The following MAPK8IP3 variants were observed in gnomAD, a reference collection of about 807,000 sequenced individuals.
MAPK8IP3 encodes the protein mitogen-activated protein kinase 8 interacting protein 3.
MAPK8IP3 carries 49 observed loss-of-function variants against 157.8 expected under a neutral mutation model. The observed-to-expected ratio is 0.31, with a 90% confidence interval of 0.25 to 0.39. The LOEUF is 0.39. Ranked by LOEUF, MAPK8IP3 falls within the 10% of genes least tolerant of loss-of-function variation. The pLI, the probability that MAPK8IP3 is intolerant of heterozygous loss-of-function variation, is 1.00. For missense variants in MAPK8IP3, 1,478 were observed against 1,889.4 expected, an observed-to-expected ratio of 0.78 and a Z score of 4.04; for synonymous variants, 897 against 777.7, an observed-to-expected ratio of 1.15 and a Z score of -2.55.
rs1482204550 is a variant in MAPK8IP3 at position 1,767,180 on chromosome 16, A to C, written c.3120A>C (p.Leu1040=). Residue 1040 remains leucine, a synonymous_variant, in exon 26 of 32, where the codon CTA becomes CTC. Transcript: ENST00000610761. ...DGQWDLSNYH[L]MDLGHPHHSI... is the part of the protein sequence containing the mutation. ...AGTGGGATCTGAGCAACTATCACCT[A>C]ATGGACCTGGGCCACCCGCACCACT... The C allele has an allele frequency of 6.2e-7, 1 of 1,613,216 alleles. No homozygotes were observed. Among genetic ancestry groups the C allele is most frequent in the East Asian group, 2.2e-5 (1 of 44,884 alleles).
chr16:1,767,632 A>G lies in MAPK8IP3; in HGVS notation c.3306A>G (p.Val1102=), dbSNP rs779172209. Residue 1102 remains valine (V), a synonymous_variant, in exon 27 of 32, where the codon GTA becomes GTG. Coordinates refer to ENST00000610761, the MANE Select transcript of MAPK8IP3 (RefSeq NM_001318852.2). ...AGCTGGCGTGGATCGGCGATGGCGT[A>G]TGGGTGTCCATCCGCCTGGACTCCA... ...VRQLAWIGDG[V]WVSIRLDSTL... is the part of the protein sequence containing the mutation. The G allele has an allele frequency of 1.2e-6, 2 of 1,612,580 alleles. No homozygotes were observed. Among genetic ancestry groups the G allele is most frequent in the Non-Finnish European group, 8.5e-7 (1 of 1,179,964 alleles).
chr16:1,716,886 C>T (rs1419271355), intron 1 of MAPK8IP3, among the ~76,000 whole-genome samples: 1 of 151,800 alleles, frequency 6.6e-6, no homozygotes, highest in Non-Finnish European at 1.5e-5. Flanking sequence ...AGTGAAGTCC[C>T]ATCTTTACTA....
rs754927638 is a variant in MAPK8IP3, at chr16:1,760,458, C to T, written c.1383C>T (p.Gly461=). The T allele has an allele frequency of 6.7e-5, 108 of 1,613,748 alleles. No homozygotes were observed. Among genetic ancestry groups the T allele is most frequent in the Non-Finnish European group, 8.2e-5 (97 of 1,179,898 alleles). ...QLSGEQEVLR[G]ELEAAKQAKV... Reference sequence around the variant, plus strand: ...CCGGGGAGCAGGAGGTGCTGAGGGGCGAGTTGGAGGCTGCTAAGCAGGCCA... The same window carrying T: ...CCGGGGAGCAGGAGGTGCTGAGGGGTGAGTTGGAGGCTGCTAAGCAGGCCA... Residue 461 remains glycine (G), a synonymous_variant, in exon 12 of 32, where the codon GGC becomes GGT. Coordinates refer to ENST00000610761, the MANE Select transcript of MAPK8IP3 (RefSeq NM_001318852.2).
At position 1,724,742 on chromosome 16, in the gene MAPK8IP3, G is replaced by T. The variant is rs2038758658; in HGVS notation, c.439+65G>T. On this transcript the variant is annotated intron_variant, in intron 2 of 31. Coordinates refer to ENST00000610761, the MANE Select transcript of MAPK8IP3 (RefSeq NM_001318852.2). The surrounding 1 kb of genome is among the most constrained non-coding windows in gnomAD (Gnocchi z 4.1). ...CGCTGCTCTGGGACGGCTCTGGTTGGGGTGGGCATGGAGCGCCTTCCACAC... is the reference window on the plus strand; with the variant it reads ...CGCTGCTCTGGGACGGCTCTGGTTGTGGTGGGCATGGAGCGCCTTCCACAC... 6.4e-7 allele frequency: 1 copy of T among 1,574,498 alleles called. No individual in the cohort carries two copies. Among genetic ancestry groups the T allele is most frequent in the African/African-American group, 1.3e-5 (1 of 74,088 alleles).
Position 1,770,280 on chromosome 16 carries a change from A to G in MAPK8IP3, c.*1456A>G, listed in dbSNP as rs568443369. 4.0e-5 allele frequency: 8 copies of G among 199,406 alleles called. No homozygotes were observed. The highest frequency in any genetic ancestry group is 1.7e-4 in the South Asian group (1 of 5,762). The allele number at this position is 199,406 out of a possible 1,614,324, so 12.4% of individuals were successfully genotyped here. On this transcript the variant is annotated 3_prime_UTR_variant, in exon 32 of 32. Coordinates refer to ENST00000610761, the MANE Select transcript of MAPK8IP3 (RefSeq NM_001318852.2). ...GCTTTGGCCCTGCAAGCAAACCCAC[A>G]TATCTGCTCTGTATGTAATAAATGT...
At chr16:1,708,228 C>T (rs547045331) in intron 1 of MAPK8IP3, among the ~76,000 whole-genome samples, 10 of 152,218 alleles carry the variant, frequency 6.6e-5, no homozygotes, top group Non-Finnish European at 1.5e-4. Context: ...AGCCAGGATG[C>T]AGAGTGAACC....
At chr16:1,725,187 A>ATTATT (rs1567147703) in intron 2 of MAPK8IP3, among the ~76,000 whole-genome samples, 6 of 130,040 alleles carry the variant, frequency 4.6e-5, no homozygotes, top group East Asian at 2.5e-4. Context: ...TTATTATTAT[A>ATTATT]AGAACAGTTG....
At chr16:1,766,675 G>A in intron 23 of MAPK8IP3, 27 bp downstream of exon 23, 2 of 1,612,554 alleles carry the variant, frequency 1.2e-6, no homozygotes, top group African/African-American at 1.3e-5. Context: ...GCAAGGTGGA[G>A]GGAGGGTCCT....
In MAPK8IP3 at chr16:1,743,488, G is replaced by A. The variant is rs376451949; in HGVS notation, c.747+12G>A. Reference sequence around the variant, plus strand: ...GCTCCAGCTACCAGGTTTTGTAGCCGTGCCGTGGAGTGAGAGGCTCCTCCC... The same window carrying A: ...GCTCCAGCTACCAGGTTTTGTAGCCATGCCGTGGAGTGAGAGGCTCCTCCC... On this transcript the variant is annotated intron_variant, in intron 5 of 31. Transcript: ENST00000610761. The surrounding 1 kb of genome is among the most constrained non-coding windows in gnomAD (Gnocchi z 5.6). The A allele has an allele frequency of 1.2e-4, 192 of 1,606,382 alleles. No individual in the cohort carries two copies. The Middle Eastern group carries it at 1.5e-3, about 12-fold the overall frequency.
At chr16:1,731,131 A>G (rs1188858741) in intron 4 of MAPK8IP3, among the ~76,000 whole-genome samples, 1 of 151,936 alleles carries the variant, frequency 6.6e-6, no homozygotes, top group Non-Finnish European at 1.5e-5. Context: ...CAGAGAGTCC[A>G]TCTCAAAAAT....
At chr16:1,723,696 T>A (rs1452808536) in intron 1 of MAPK8IP3, among the ~76,000 whole-genome samples, 1 of 152,074 alleles carries the variant, frequency 6.6e-6, no homozygotes. Context: ...TTGATAATAT[T>A]CCCCAGTTTT....
At chr16:1,729,092 A>T (rs1228453427) in intron 2 of MAPK8IP3, 46 bp from the exon 3 acceptor site, 1 of 1,573,236 alleles carries the variant, frequency 6.4e-7, no homozygotes. Flanking sequence ...GTTCAGGGCC[A>T]TGGAGAAGCG....
chr16:1,764,412 G>T lies in MAPK8IP3; in HGVS notation c.2233G>T (p.Gly745Ter). 1 of 1,605,558 alleles carries T rather than the reference G, an allele frequency of 6.2e-7. No homozygotes were observed. Among genetic ancestry groups the T allele is most frequent in the East Asian group, 2.2e-5 (1 of 44,586 alleles). Residue 745 changes from glycine (G) to a stop codon, truncating the protein, a stop_gained, in exon 19 of 32, where the codon GGA (glycine) becomes TGA (stop). Transcript: ENST00000610761. LOFTEE classifies it high-confidence loss of function. ...CGATCCCCTGACCTGCGACCGCGAA[G>T]GAGACGGCGAGCCCAAGAGCGCCCA... ...GRDPLTCDRE[G>*]DGEPKSAHTS...
intron 18 of MAPK8IP3, 23 bp from the exon 19 acceptor site, chr16:1,764,278 C>G (rs200249837): frequency 1.3e-6 from 2 of 1,585,232 alleles, no homozygotes; most frequent in Non-Finnish European, 8.6e-7. Flanking sequence ...CGGTGACACC[C>G]GACCTCGGCC....
chr16:1,727,601 C>T (rs1473283796), intron 2 of MAPK8IP3, among the ~76,000 whole-genome samples: 2 of 151,962 alleles, frequency 1.3e-5, no homozygotes, highest in Non-Finnish European at 2.9e-5. Flanking sequence ...GTGTGAGGTG[C>T]TGTGTCTAAG....
intron 2 of MAPK8IP3, among the ~76,000 whole-genome samples, chr16:1,728,315 G>A (rs2039037787): frequency 6.6e-6 from 1 of 152,184 alleles, no homozygotes; most frequent in Non-Finnish European, 1.5e-5. Context: ...CCCAGCCCTC[G>A]GCGTGTGTGA....
At chr16:1,767,109 G>T (rs1364101426) in intron 25 of MAPK8IP3, 40 bp from the exon 26 acceptor site, 2 of 1,608,326 alleles carry the variant, frequency 1.2e-6, no homozygotes, top group Non-Finnish European at 1.7e-6. Context: ...CAGAGGTGGG[G>T]CCTGGCCAGG....
rs976486667 is a variant in MAPK8IP3, at chr16:1,741,268, C to T, written c.603-2064C>T. Among the ~76,000 whole-genome samples, 12 of 152,160 alleles carry T rather than the reference C, an allele frequency of 7.9e-5. No individual in the cohort carries two copies. In the South Asian group the frequency reaches 2.1e-3, roughly 26 times the overall value. On this transcript the variant is annotated intron_variant, in intron 4 of 31. Coordinates refer to ENST00000610761, the MANE Select transcript of MAPK8IP3 (RefSeq NM_001318852.2). This position sits in a 1 kb window ranked among gnomAD's most constrained non-coding sequence, Gnocchi z 6.9. ...CCCTGAGGGAGCTGCGAGGACAAAT[C>T]GGGAGGACGGGGTCAGTCGGCAAAC...
rs573560212 is a variant in MAPK8IP3 at position 1,743,688 on chromosome 16, G to A, written c.747+212G>A. 372 of 1,403,158 alleles carry A rather than the reference G, an allele frequency of 2.7e-4. 1 individual carries two copies. Among genetic ancestry groups the A allele is most frequent in the East Asian group, 1.7e-3 (61 of 35,414 alleles). 86.9% of individuals were successfully genotyped at this position (1,403,158 alleles called of 1,614,324 possible). On this transcript the variant is annotated intron_variant, in intron 5 of 31. Transcript: ENST00000610761. The surrounding 1 kb of genome is among the most constrained non-coding windows in gnomAD (Gnocchi z 5.6). Reference sequence around the variant, plus strand: ...CTGTGTGGCTGTGGCTGTTCCACGCGGCCTCGTGTCGGCACCTGCTAGTCC... The same window carrying A: ...CTGTGTGGCTGTGGCTGTTCCACGCAGCCTCGTGTCGGCACCTGCTAGTCC...
Sources: gnomAD v4.1 joint callset for allele counts (sites outside exome capture counted in the v4.1 genomes callset) on GRCh38, gnomAD v4.1.1 for gene constraint, Gnocchi (gnomAD v3.1) non-coding constraint, MANE v1.5 for transcripts, NCBI Gene and HGNC (gene_info 2026-07-23, HGNC 2026-07-21) for gene names.